The following EFR3B variants were observed in gnomAD, a reference collection of about 807,000 sequenced individuals.
The protein encoded by EFR3B is EFR3 homolog B.
In EFR3B, 64 loss-of-function variants were observed where a neutral mutation model predicts 104.7. That is an observed-to-expected ratio of 0.61 (90% CI 0.50 to 0.75). EFR3B has a LOEUF of 0.75. Ranked by LOEUF, EFR3B falls within the 30% of genes least tolerant of loss-of-function variation. The pLI is 0.00. For synonymous variants in EFR3B, 385 were observed against 417.9 expected (o/e 0.92, Z 0.96); for missense variants, 750 against 1,078.5 (o/e 0.70, Z 4.27).
At chr2:25,118,449 G>GTA (rs935691157) in intron 4 of EFR3B, among the ~76,000 whole-genome samples, 1 of 152,018 alleles carries the variant, frequency 6.6e-6, no homozygotes, top group Non-Finnish European at 1.5e-5. Flanking sequence ...GTGTGTGTGT[G>GTA]TATACACAGA....
At chr2:25,090,730 A>G (rs1669088644) in intron 1 of EFR3B, among the ~76,000 whole-genome samples, 1 of 152,228 alleles carries the variant, frequency 6.6e-6, no homozygotes. Context: ...ATTTTATCAT[A>G]GTTGCACATA....
At chr2:25,117,497 C>A (rs898092839) in intron 4 of EFR3B, among the ~76,000 whole-genome samples, 2 of 151,584 alleles carry the variant, frequency 1.3e-5, no homozygotes. Flanking sequence ...ACTGCAACCT[C>A]CACTTCCCAG....
intron 4 of EFR3B, among the ~76,000 whole-genome samples, chr2:25,113,605 T>A (rs1277947636): frequency 6.6e-6 from 1 of 150,588 alleles, no homozygotes; most frequent in Non-Finnish European, 1.5e-5. Flanking sequence ...GAGGTGGAGC[T>A]TGCAGCGAGC....
At position 25,131,820 on chromosome 2, in the gene EFR3B, C is replaced by A. The variant is rs1322600864; in HGVS notation, c.1056C>A (p.Thr352=). ...QLRLSIDYAL[T]GSYDGAVSLG... ...GGCTCAGCATCGACTACGCGCTGACCGGGAGCTACGACGGGGCGGTCAGCC... is the reference window on the plus strand; with the variant it reads ...GGCTCAGCATCGACTACGCGCTGACAGGGAGCTACGACGGGGCGGTCAGCC... Residue 352 remains threonine, a synonymous_variant, in exon 10 of 23, where the codon ACC becomes ACA. Coordinates refer to ENST00000403714, the MANE Select transcript of EFR3B (RefSeq NM_014971.2). The surrounding 1 kb of genome is among the most constrained non-coding windows in gnomAD (Gnocchi z 7.6). 6.5e-7 allele frequency: 1 copy of A among 1,549,812 alleles called. No homozygotes were observed. Among genetic ancestry groups the A allele is most frequent in the East Asian group, 2.4e-5 (1 of 40,882 alleles).
Position 25,070,726 on chromosome 2 carries a change from A to G in EFR3B, c.8-20599A>G, listed in dbSNP as rs376525250. Among the ~76,000 whole-genome samples the G allele has an allele frequency of 9.9e-5, 15 of 152,266 alleles. No individual in the cohort carries two copies. In the East Asian group the frequency reaches 1.5e-3, roughly 16 times the overall value. On this transcript the variant is annotated intron_variant, in intron 1 of 22. Transcript: ENST00000403714. ...TGGCAGGAATGGGCCACTGTCAATG[A>G]AGAGCTGAGGAAGGGAGAGAGGCGG...
chr2:25,117,916 C>G (rs1185959582), intron 4 of EFR3B, among the ~76,000 whole-genome samples: 1 of 152,228 alleles, frequency 6.6e-6, no homozygotes, highest in Non-Finnish European at 1.5e-5. Context: ...CCCGCAGCCC[C>G]TGGCAATCAC....
intron 4 of EFR3B, among the ~76,000 whole-genome samples, chr2:25,112,088 A>G (rs1669737992): frequency 1.3e-5 from 2 of 152,180 alleles, no homozygotes; most frequent in South Asian, 4.1e-4. Context: ...CTCACTGGAT[A>G]TGCTGCCCCT....
rs538202478 is a variant in EFR3B, at chr2:25,103,491, G to T, written c.213-146G>T. The T allele has an allele frequency of 2.3e-5, 26 of 1,141,632 alleles. No individual in the cohort carries two copies. The East Asian group carries it at 3.7e-4, about 16-fold the overall frequency. The allele number at this position is 1,141,632 out of a possible 1,614,324, so 70.7% of individuals were successfully genotyped here. On this transcript the variant is annotated intron_variant, in intron 3 of 22. Coordinates refer to ENST00000403714, the MANE Select transcript of EFR3B (RefSeq NM_014971.2). ...GCTGGAGCAGACACTTGTTGGAAAG[G>T]CTATCCAGACGTTGGCAGCCTGTGG...
intron 4 of EFR3B, among the ~76,000 whole-genome samples, chr2:25,105,748 C>CTTT (rs1188079325): frequency 1.3e-5 from 2 of 152,214 alleles, no homozygotes; most frequent in African/African-American, 4.8e-5. Flanking sequence ...ATGAACCAGC[C>CTTT]ACCATGCATC....
chr2:25,080,197 G>A (rs1668753337), intron 1 of EFR3B: 4 of 1,505,424 alleles, frequency 2.7e-6, no homozygotes, highest in African/African-American at 2.8e-5. Context: ...TTTATCTGAA[G>A]TGATAAGCTT....
intron 3 of EFR3B, among the ~76,000 whole-genome samples, chr2:25,093,681 C>T (rs563294768): frequency 3.3e-5 from 5 of 152,080 alleles, no homozygotes; most frequent in East Asian, 1.9e-4. Flanking sequence ...TTCTCTCTTG[C>T]GTTTCCATAC....
rs566722149 is a variant in EFR3B, at chr2:25,049,618, C to T, written c.7+7299C>T. On this transcript the variant is annotated intron_variant, in intron 1 of 22. Transcript: ENST00000403714. ...TATCTTGAAGTGGAAGAGACCAGTG[C>T]GAGGTGGAGTCATCTGGGCAGGCTT... Among the ~76,000 whole-genome samples, 14 of 152,194 alleles carry T rather than the reference C, an allele frequency of 9.2e-5. No individual in the cohort carries two copies. The East Asian group carries it at 2.3e-3, about 25-fold the overall frequency.
intron 1 of EFR3B, among the ~76,000 whole-genome samples, chr2:25,050,270 G>C (rs772007718): frequency 4.7e-4 from 72 of 152,174 alleles, no homozygotes; most frequent in Non-Finnish European, 9.0e-4. Context: ...TCAAGCTGGG[G>C]GCAGCTGTGC....
chr2:25,079,112 G>A (rs921842571), intron 1 of EFR3B, among the ~76,000 whole-genome samples: 3 of 152,118 alleles, frequency 2.0e-5, no homozygotes, highest in African/African-American at 4.8e-5. Context: ...CCTCTACTGG[G>A]GCATCCCTTG....
At chr2:25,081,687 C>A in intron 1 of EFR3B, 1 of 548,386 alleles carries the variant, frequency 1.8e-6, no homozygotes, top group South Asian at 2.9e-5. Flanking sequence ...TGGAGGCTGC[C>A]ATTTCCGAGT....
chr2:25,103,868 C>G, intron 4 of EFR3B, 81 bp downstream of exon 4: 1 of 1,511,710 alleles, frequency 6.6e-7, no homozygotes, highest in Non-Finnish European at 8.9e-7. Context: ...TCGGGGTCGG[C>G]ACTGTCATGT....
At chr2:25,050,442 G>T (rs1027855835) in intron 1 of EFR3B, among the ~76,000 whole-genome samples, 1 of 152,154 alleles carries the variant, frequency 6.6e-6, no homozygotes, top group African/African-American at 2.4e-5. Flanking sequence ...CTGTGTGGGG[G>T]TGCAGGGGTA....
chr2:25,126,158 G>A (rs985280424), intron 5 of EFR3B, among the ~76,000 whole-genome samples: 12 of 152,200 alleles, frequency 7.9e-5, no homozygotes, highest in Admixed American at 6.5e-4. Flanking sequence ...GGTGGGGGCA[G>A]TTATTTTGGC....
intron 1 of EFR3B, among the ~76,000 whole-genome samples, chr2:25,048,483 C>G (rs376116123): frequency 6.6e-6 from 1 of 152,058 alleles, no homozygotes; most frequent in Non-Finnish European, 1.5e-5. Flanking sequence ...AATTACAGCC[C>G]CTGGAGAAGT....
Sources: gnomAD v4.1 joint callset for allele counts (sites outside exome capture counted in the v4.1 genomes callset) on GRCh38, gnomAD v4.1.1 for gene constraint, Gnocchi (gnomAD v3.1) non-coding constraint, MANE v1.5 for transcripts, NCBI Gene and HGNC (gene_info 2026-07-23, HGNC 2026-07-21) for gene names.